The following CTNNA2 variants were observed in gnomAD, a reference collection of about 807,000 sequenced individuals.
CTNNA2 encodes catenin alpha-2.
In CTNNA2, 42 loss-of-function variants were observed where a neutral mutation model predicts 101.0. The ratio of observed to expected loss-of-function variants is 0.42; its 90% CI spans 0.32 to 0.54. The LOEUF is 0.54. Among genes scored for constraint, CTNNA2 ranks in the 20% least tolerant of loss-of-function variants. CTNNA2 has a pLI of 0.14. For missense variants in CTNNA2, 871 were observed against 1,223.1 expected (o/e 0.71, Z 4.29); for synonymous variants, 450 against 456.4 (o/e 0.99, Z 0.18).
At chr2:79,652,265 A>C (rs2104480265) in intron 2 of CTNNA2, among the ~76,000 whole-genome samples, 1 of 151,396 alleles carries the variant, frequency 6.6e-6, no homozygotes, top group South Asian at 2.1e-4. Context: ...ACCAAATTAT[A>C]ATAGAGGCAT....
rs532104122 is a variant in CTNNA2, at chr2:80,586,716, T to C, written c.2008-2588T>C. ...TAAAGCTACTTTATCTTTCAAGATA[T>C]AGTATTTTAGATATCTTAATAGTAT... On this transcript the variant is annotated intron_variant, in intron 14 of 18. Transcript: ENST00000402739. 9.2e-5 allele frequency among the ~76,000 whole-genome samples: 14 copies of C among 152,342 alleles called. No homozygotes were observed. In the South Asian group the frequency reaches 2.3e-3, roughly 25 times the overall value.
intron 15 of CTNNA2, among the ~76,000 whole-genome samples, chr2:80,599,887 T>C (rs1697328537): frequency 6.6e-6 from 1 of 151,714 alleles, no homozygotes; most frequent in Non-Finnish European, 1.5e-5. Context: ...ACTCGTCATT[T>C]AGCATTAGGT....
In CTNNA2 at chr2:79,982,472, T is replaced by TACACACAC. The variant is rs60316453; in HGVS notation, c.1056+72697_1056+72704dup. ...AATCTGCTTATTACAGACTCCTAAC[T>TACACACAC]ACACACACACACACACACACACACA... On this transcript the variant is annotated intron_variant, in intron 7 of 18. Coordinates refer to ENST00000402739, the MANE Select transcript of CTNNA2 (RefSeq NM_001282597.3). Among the ~76,000 whole-genome samples, 392 of 139,750 alleles carry TACACACAC rather than the reference T, an allele frequency of 2.8e-3. 8 individuals are homozygous for TACACACAC. The highest frequency in any genetic ancestry group is 0.024 in the South Asian group (104 of 4,262). 91.7% of individuals were successfully genotyped at this position (139,750 alleles called of 152,430 possible).
intron 4 of CTNNA2, among the ~76,000 whole-genome samples, chr2:79,380,260 C>T (rs200595497): frequency 1.6e-4 from 24 of 147,262 alleles, no homozygotes; most frequent in Non-Finnish European, 1.8e-4. Flanking sequence ...TCTTTTCTTT[C>T]TTTTTTTTTT....
At chr2:80,552,751 T>C (rs896947390) in intron 11 of CTNNA2, among the ~76,000 whole-genome samples, 2 of 152,188 alleles carry the variant, frequency 1.3e-5, no homozygotes, top group South Asian at 2.1e-4. Context: ...CTGTAAGCAA[T>C]TGGAATACAA....
chr2:80,261,016 C>T (rs1029331596), intron 7 of CTNNA2, among the ~76,000 whole-genome samples: 1 of 152,178 alleles, frequency 6.6e-6, no homozygotes, highest in Non-Finnish European at 1.5e-5. Flanking sequence ...CACCTAAGTA[C>T]CTGGTGGCAC....
chr2:79,217,379 G>T (rs1422393545), intron 2 of CTNNA2, among the ~76,000 whole-genome samples: 1 of 152,162 alleles, frequency 6.6e-6, no homozygotes, highest in African/African-American at 2.4e-5. Flanking sequence ...ATTTCACCTG[G>T]GTGCAGGGGG....
At chr2:80,199,353 G>GT (rs1356012042) in intron 7 of CTNNA2, among the ~76,000 whole-genome samples, 2 of 151,050 alleles carry the variant, frequency 1.3e-5, no homozygotes, top group East Asian at 3.9e-4. Flanking sequence ...ATTGAAGAGA[G>GT]TTAAGACATA....
chr2:79,898,902 T>G (rs1684889592), intron 6 of CTNNA2, among the ~76,000 whole-genome samples: 1 of 152,066 alleles, frequency 6.6e-6, no homozygotes, highest in African/African-American at 2.4e-5. Flanking sequence ...AAGAAAGAGT[T>G]GTTGAGAGGA....
At chr2:80,219,992 A>C (rs777713229) in intron 7 of CTNNA2, among the ~76,000 whole-genome samples, 36 of 152,292 alleles carry the variant, frequency 2.4e-4, no homozygotes, top group African/African-American at 4.3e-4. Flanking sequence ...AACAAAAAAA[A>C]CACAAAAACC....
chr2:79,665,329 T>C (rs1231607120), intron 2 of CTNNA2, among the ~76,000 whole-genome samples: 2 of 152,212 alleles, frequency 1.3e-5, no homozygotes, highest in Non-Finnish European at 1.5e-5. Flanking sequence ...ATTCCTGATT[T>C]GAAATGTGCA....
chr2:79,418,099 C>A (rs937731484), intron 4 of CTNNA2, among the ~76,000 whole-genome samples: 1 of 152,050 alleles, frequency 6.6e-6, no homozygotes, highest in African/African-American at 2.4e-5. Flanking sequence ...TCCTCTTACA[C>A]TGAGTCAATC....
At chr2:79,191,187 G>T (rs1324785057) in intron 1 of CTNNA2, among the ~76,000 whole-genome samples, 1 of 152,178 alleles carries the variant, frequency 6.6e-6, no homozygotes, top group Admixed American at 6.5e-5. Flanking sequence ...AAGTGCTGTT[G>T]CAGATTCACA....
At chr2:80,391,235 C>T (rs1373618435) in intron 7 of CTNNA2, among the ~76,000 whole-genome samples, 3 of 152,020 alleles carry the variant, frequency 2.0e-5, no homozygotes, top group African/African-American at 7.3e-5. Context: ...TATACTCCCT[C>T]TCTCCCTCTT....
At chr2:80,422,879 G>A (rs1328901729) in intron 9 of CTNNA2, among the ~76,000 whole-genome samples, 4 of 135,362 alleles carry the variant, frequency 3.0e-5, no homozygotes, top group Non-Finnish European at 2.9e-5. Flanking sequence ...AGTGTGGAAA[G>A]GTTTAAAATC....
chr2:80,426,370 A>G (rs1680993640), intron 9 of CTNNA2, among the ~76,000 whole-genome samples: 1 of 152,170 alleles, frequency 6.6e-6, no homozygotes, highest in Non-Finnish European at 1.5e-5. Context: ...CAACATAGCT[A>G]TTTTGGGCCT....
chr2:79,798,961 CAT>C (rs1234370740), intron 3 of CTNNA2, among the ~76,000 whole-genome samples: 3 of 152,274 alleles, frequency 2.0e-5, no homozygotes, highest in Non-Finnish European at 2.9e-5. Flanking sequence ...GCATTAAAAA[CAT>C]GTGATCTGAT....
intron 7 of CTNNA2, among the ~76,000 whole-genome samples, chr2:80,330,803 C>T (rs1443173018): frequency 6.6e-6 from 1 of 152,076 alleles, no homozygotes; most frequent in East Asian, 1.9e-4. Context: ...TTAAAACTTG[C>T]TCCAGGCTAG....
At chr2:80,510,402 C>T (rs1024819453) in intron 9 of CTNNA2, among the ~76,000 whole-genome samples, 1 of 152,148 alleles carries the variant, frequency 6.6e-6, no homozygotes, top group Admixed American at 6.5e-5. Flanking sequence ...ATCTGACACC[C>T]GTCTTAACTG....
Sources: allele counts gnomAD v4.1 joint callset (sites outside exome capture counted in the v4.1 genomes callset), GRCh38; gene constraint gnomAD v4.1.1; transcripts MANE v1.5; gene names NCBI Gene and HGNC (gene_info 2026-07-23, HGNC 2026-07-21).